Variants in CLEC20A observed in about 807,000 individuals in gnomAD.
CLEC20A encodes the protein putative C-type lectin domain family 20 member A.
chr1:178,480,428 T>C (rs1451129942), intron 7 of CLEC20A: 1 of 152,194 alleles, frequency 6.6e-6, no homozygotes, highest in Non-Finnish European at 1.5e-5. Context: ...GTCAGAAGCT[T>C]CAATGAGTAC....
intron 5 of CLEC20A, chr1:178,483,543 G>A: frequency 3.1e-6 from 1 of 318,146 alleles, no homozygotes; most frequent in Non-Finnish European, 5.6e-6. Context: ...GTGGGGCTTG[G>A]GCAATGTTAG....
intron 5 of CLEC20A, among the ~76,000 whole-genome samples, chr1:178,487,210 G>A (rs1466461989): frequency 6.6e-6 from 1 of 152,226 alleles, no homozygotes; most frequent in Non-Finnish European, 1.5e-5. Context: ...GGCGAGCAGG[G>A]AGGGCCTCCT....
intron 5 of CLEC20A, among the ~76,000 whole-genome samples, chr1:178,484,860 T>C (rs1438887335): frequency 1.3e-5 from 2 of 152,214 alleles, no homozygotes; most frequent in Non-Finnish European, 2.9e-5. Flanking sequence ...CCCACTCCAG[T>C]GCTCCAGAAC....
intron 3 of CLEC20A, among the ~76,000 whole-genome samples, chr1:178,491,293 G>A (rs368217560): frequency 3.9e-5 from 6 of 152,150 alleles, no homozygotes; most frequent in East Asian, 1.9e-4. Flanking sequence ...CATTGATTCC[G>A]GAGGCCCGGA....
chr1:178,487,786 C>A (rs1426543708), intron 5 of CLEC20A, among the ~76,000 whole-genome samples: 1 of 152,200 alleles, frequency 6.6e-6, no homozygotes, highest in Admixed American at 6.5e-5. Flanking sequence ...TCTGCTCGAC[C>A]TTGATCAAGT....
upstream of CLEC20A, chr1:178,499,584 T>C (rs1216519441): frequency 2.0e-5 from 3 of 152,158 alleles, no homozygotes; most frequent in African/African-American, 7.2e-5. Context: ...GGACTCCGAG[T>C]TCTTCAGCTT....
chr1:178,482,362 T>C (rs1649012314), exon 7 of CLEC20A: 2 of 398,622 alleles, frequency 5.0e-6, no homozygotes, highest in East Asian at 7.1e-5. Flanking sequence ...AGAGTTGAGA[T>C]GGTAAAGTCT....
intron 2 of CLEC20A, among the ~76,000 whole-genome samples, 164 bp downstream of exon 2, chr1:178,494,290 G>A (rs566678142): frequency 6.6e-6 from 1 of 152,314 alleles, no homozygotes; most frequent in Non-Finnish European, 1.5e-5. Context: ...ATGGTGGCAT[G>A]CACCTGTAGT....
In CLEC20A at chr1:178,492,716, T is replaced by C. The variant is rs897580965; in HGVS notation, c.398-150A>G. On this transcript the variant is annotated intron_variant, in intron 2 of 7. Transcript: ENST00000623247. Reference sequence around the variant, plus strand: ...TCGATTCAATCCATTCAATAAATACTGGGCACCTATTGTGTCGCAGATGCT... The same window carrying C: ...TCGATTCAATCCATTCAATAAATACCGGGCACCTATTGTGTCGCAGATGCT... 2.3e-5 allele frequency: 9 copies of C among 396,736 alleles called. No homozygotes were observed. The Admixed American group carries it at 2.6e-4, about 12-fold the overall frequency. The allele number at this position is 396,736 out of a possible 1,614,324, so 24.6% of individuals were successfully genotyped here.
intron 3 of CLEC20A, among the ~76,000 whole-genome samples, chr1:178,492,156 G>A (rs1244341895): frequency 1.3e-5 from 2 of 152,112 alleles, no homozygotes; most frequent in African/African-American, 2.4e-5. Context: ...ATGGTGGCAT[G>A]TGCCTGTAGT....
intron 7 of CLEC20A, chr1:178,480,081 G>C (rs1648926252): frequency 6.7e-6 from 1 of 149,810 alleles, no homozygotes; most frequent in Non-Finnish European, 1.5e-5. Flanking sequence ...TCCAAATCAA[G>C]CTGTGAGCAC....
chr1:178,481,991 G>T, intron 7 of CLEC20A: 1 of 218,336 alleles, frequency 4.6e-6, no homozygotes. Context: ...TAAGTTACTT[G>T]CCCAAAGCTA....
At chr1:178,492,407 C>CG in intron 3 of CLEC20A, 94 bp downstream of exon 3, 1 of 398,336 alleles carries the variant, frequency 2.5e-6, no homozygotes. Context: ...AGAGGGGACG[C>CG]GGGGGTGGAG....
chr1:178,492,947 G>A (rs1442711565), intron 2 of CLEC20A, among the ~76,000 whole-genome samples: 2 of 152,234 alleles, frequency 1.3e-5, no homozygotes, highest in African/African-American at 4.8e-5. Context: ...GGGAGGCGAG[G>A]CCTGATGGCT....
chr1:178,495,070 T>G (rs1273916521), intron 1 of CLEC20A, among the ~76,000 whole-genome samples: 4 of 152,174 alleles, frequency 2.6e-5, no homozygotes. Flanking sequence ...CCCCAGTCCC[T>G]TTGCCCAGCT....
chr1:178,498,918 G>A (rs1431198875), upstream of CLEC20A, among the ~76,000 whole-genome samples: 1 of 152,184 alleles, frequency 6.6e-6, no homozygotes, highest in African/African-American at 2.4e-5. Flanking sequence ...GTATTCTCTC[G>A]TGCAGCAATG....
At chr1:178,490,660 G>A (rs990677068) in intron 3 of CLEC20A, among the ~76,000 whole-genome samples, 1 of 152,350 alleles carries the variant, frequency 6.6e-6, no homozygotes, top group South Asian at 2.1e-4. Context: ...ATTAGGGAAA[G>A]CAGAGCTTAA....
chr1:178,494,241 T>C (rs570105447), intron 2 of CLEC20A, among the ~76,000 whole-genome samples: 12 of 152,060 alleles, frequency 7.9e-5, no homozygotes, highest in African/African-American at 2.9e-4. Flanking sequence ...TTAAGGTTGG[T>C]TTTTTGTTTG....
chr1:178,482,571 A>G (rs1649017941), intron 6 of CLEC20A, 174 bp from the exon 7 acceptor site: 2 of 393,362 alleles, frequency 5.1e-6, no homozygotes, highest in Non-Finnish European at 9.0e-6. Flanking sequence ...AGGGTTAACC[A>G]ATTAGTGGCT....
Sources: allele counts gnomAD v4.1 joint callset (sites outside exome capture counted in the v4.1 genomes callset), GRCh38; gene constraint gnomAD v4.1.1; transcripts MANE v1.5; gene names NCBI Gene and HGNC (gene_info 2026-07-23, HGNC 2026-07-21).